The following SMG1 variants were observed in gnomAD, a reference collection of about 807,000 sequenced individuals.
SMG1 encodes the protein SMG1 nonsense mediated mRNA decay associated PI3K related kinase, also known as serine/threonine-protein kinase SMG1.
In SMG1, 22 loss-of-function variants were observed where a neutral mutation model predicts 419.9. That is an observed-to-expected ratio of 0.05 (90% CI 0.04 to 0.07). SMG1 has a LOEUF of 0.07. Among genes scored for constraint, SMG1 ranks in the 10% least tolerant of loss-of-function variants. SMG1 has a pLI of 1.00. For synonymous variants in SMG1, 1,538 were observed against 1,553.5 expected (o/e 0.99, Z 0.23); for missense variants, 3,185 against 4,342.0 (o/e 0.73, Z 7.49).
In SMG1 at chr16:18,901,939, T is replaced by C. The variant is rs1260546945; in HGVS notation, c.93-4983A>G. 1.4e-4 allele frequency among the ~76,000 whole-genome samples: 16 copies of C among 113,004 alleles called. No individual in the cohort carries two copies. The Admixed American group carries it at 1.5e-3, about 11-fold the overall frequency. 74.1% of individuals were successfully genotyped at this position (113,004 alleles called of 152,430 possible). A position where few individuals can be genotyped will look rare whatever the true frequency, so the allele number is the denominator to read the frequency against. On this transcript the variant is annotated intron_variant, in intron 1 of 62. Transcript: ENST00000446231. ...CAGCCTGGGCAACAGAGCAAGACTATCTCCAAAAAAAAAAAGGGGGGGGTG... is the reference window on the plus strand; with the variant it reads ...CAGCCTGGGCAACAGAGCAAGACTACCTCCAAAAAAAAAAAGGGGGGGGTG...
intron 62 of SMG1, among the ~76,000 whole-genome samples, chr16:18,810,431 G>C (rs1358626875): frequency 6.6e-6 from 1 of 152,216 alleles, no homozygotes; most frequent in Non-Finnish European, 1.5e-5. Context: ...CTCAGGAACT[G>C]TTCTAGATAT....
intron 1 of SMG1, among the ~76,000 whole-genome samples, chr16:18,908,220 T>A (rs2037647703): frequency 6.6e-6 from 1 of 151,446 alleles, no homozygotes; most frequent in Admixed American, 6.6e-5. Context: ...ACAAAAAAAT[T>A]AGGCAGGCGT....
Position 18,847,583 on chromosome 16 carries a change from G to A in SMG1, c.5866C>T (p.Arg1956Cys), listed in dbSNP as rs755564591. The A allele has an allele frequency of 6.2e-7, 1 of 1,613,944 alleles. No homozygotes were observed. Reference sequence around the variant, plus strand: ...TCATCCCAGAGCACAGTGACCCTGCGCAGTTCAGCCACGAGCATCTGAACC... The same window carrying A: ...TCATCCCAGAGCACAGTGACCCTGCACAGTTCAGCCACGAGCATCTGAACC... ...LQVQMLVAEL[R>C]RVTVLWDELW... The change falls in exon 38 of 63, where the codon CGC becomes TGC. Residue 1956 changes from arginine (R) to cysteine (C), a missense_variant. Arg to Cys is a radical substitution (Grantham distance 180). This residue lies in a region of SMG1 where 130 missense variants were observed against 162.0 expected (regional missense o/e 0.80). Transcript: ENST00000446231.
At chr16:18,916,089 A>AAC (rs2037963310) in intron 1 of SMG1, among the ~76,000 whole-genome samples, 2 of 110,238 alleles carry the variant, frequency 1.8e-5, no homozygotes, top group Admixed American at 9.5e-5. Flanking sequence ...AAAAAAAAAA[A>AAC]CCAGAAAAAA....
chr16:18,853,666 G>C lies in SMG1; in HGVS notation c.4685C>G (p.Ser1562Cys), dbSNP rs747779912. The C allele has an allele frequency of 1.2e-6, 2 of 1,613,022 alleles. No individual in the cohort carries two copies. Among genetic ancestry groups the C allele is most frequent in the East Asian group, 4.5e-5 (2 of 44,858 alleles). The change falls in exon 31 of 63, where the codon TCT becomes TGT. Residue 1562 changes from serine (S) to cysteine (C), a missense_variant. By Grantham distance (112) the Ser-to-Cys change is moderately radical. Coordinates refer to ENST00000446231, the MANE Select transcript of SMG1 (RefSeq NM_015092.5). ...QQNFTGLSTLSKNILTLIELP... is the reference protein window; with the variant it reads ...QQNFTGLSTLCKNILTLIELP... ...TTCTATTAGAGTGAGTATGTTTTTA[G>C]ACAAAGTAGAAAGACCTGTGAAGTT... is the stretch of plus-strand genomic sequence containing the variant.
In SMG1 at chr16:18,860,557, C is replaced by T. The variant is rs1163144135; in HGVS notation, c.3805+110G>A. On this transcript the variant is annotated intron_variant, in intron 26 of 62. Coordinates refer to ENST00000446231, the MANE Select transcript of SMG1 (RefSeq NM_015092.5). ...ATTTGTTGCTTCACATGGGATTCTG[C>T]CCCCACAAAAATGTAAAATAACTTC... 7 of 613,506 alleles carry T rather than the reference C, an allele frequency of 1.1e-5. No individual in the cohort carries two copies. In the Admixed American group the frequency reaches 2.0e-4, roughly 18 times the overall value. The allele number at this position is 613,506 out of a possible 1,614,324, so 38.0% of individuals were successfully genotyped here.
At chr16:18,881,482 T>C (rs1468570554) in intron 10 of SMG1, among the ~76,000 whole-genome samples, 1 of 152,218 alleles carries the variant, frequency 6.6e-6, no homozygotes, top group African/African-American at 2.4e-5. Context: ...CAAAAGTATA[T>C]GCTCCTAAAA....
intron 22 of SMG1, among the ~76,000 whole-genome samples, chr16:18,867,971 G>T (rs2035615234): frequency 1.3e-5 from 2 of 152,094 alleles, no homozygotes; most frequent in East Asian, 3.9e-4. Flanking sequence ...GCCTCCCAAA[G>T]TGCTGGGATT....
chr16:18,890,377 C>A (rs949490747), intron 5 of SMG1, among the ~76,000 whole-genome samples: 2 of 152,188 alleles, frequency 1.3e-5, no homozygotes, highest in Non-Finnish European at 2.9e-5. Flanking sequence ...GTGGCTCATG[C>A]CTGTAATCCC....
chr16:18,845,574 C>T lies in SMG1; in HGVS notation c.6074G>A (p.Arg2025Lys), dbSNP rs1305738377. 3 of 1,613,850 alleles carry T rather than the reference C, an allele frequency of 1.9e-6. No individual in the cohort carries two copies. The highest frequency in any genetic ancestry group is 1.7e-5 in the Admixed American group (1 of 60,020). The change falls in exon 39 of 63, where the codon AGG becomes AAG. Residue 2025 changes from arginine to lysine, a missense_variant. Arg to Lys is a conservative substitution (Grantham distance 26). Around this residue, in one of 27 missense-constraint regions of SMG1, gnomAD observed 159 missense variants for 196.0 expected, o/e 0.81. Coordinates refer to ENST00000446231, the MANE Select transcript of SMG1 (RefSeq NM_015092.5). ...KPIVFALEHV[R>K]SITAAPAETP... ...TTCTGCAGGAGCCGCTGTGATACTC[C>T]TCACATGCTCCAAAGCAAATACGAT...
At chr16:18,919,398 G>A (rs529238550) in intron 1 of SMG1, among the ~76,000 whole-genome samples, 1 of 151,784 alleles carries the variant, frequency 6.6e-6, no homozygotes, top group African/African-American at 2.4e-5. Flanking sequence ...GCTGAGGCGG[G>A]CGGATCATGA....
intron 9 of SMG1, among the ~76,000 whole-genome samples, chr16:18,882,948 T>C (rs1212119568): frequency 6.6e-6 from 1 of 152,054 alleles, no homozygotes; most frequent in Non-Finnish European, 1.5e-5. Context: ...CTCTACAAAC[T>C]AGAATGTGTG....
At chr16:18,899,191 G>A (rs1367997789) in intron 1 of SMG1, among the ~76,000 whole-genome samples, 1 of 152,148 alleles carries the variant, frequency 6.6e-6, no homozygotes, top group East Asian at 1.9e-4. Flanking sequence ...ATACTTCACT[G>A]AAGAAACCGG....
chr16:18,862,662 A>G lies in SMG1; in HGVS notation c.3695+988T>C, dbSNP rs533308848. Among the ~76,000 whole-genome samples the G allele has an allele frequency of 3.9e-5, 6 of 152,160 alleles. No homozygotes were observed. The South Asian group carries it at 1.2e-3, about 32-fold the overall frequency. ...GCTTCCATACTTGCCCCCCACCTCC[A>G]GTCTCTTCACCATAGCAGAATGAAC... On this transcript the variant is annotated intron_variant, in intron 25 of 62. Coordinates refer to ENST00000446231, the MANE Select transcript of SMG1 (RefSeq NM_015092.5).
At chr16:18,920,363 C>G (rs1176210389) in intron 1 of SMG1, among the ~76,000 whole-genome samples, 1 of 114,076 alleles carries the variant, frequency 8.8e-6, no homozygotes, top group African/African-American at 3.4e-5. Context: ...GCCTGGACAA[C>G]AAGAGCAAAA....
At chr16:18,922,589 C>T (rs187693245) in intron 1 of SMG1, among the ~76,000 whole-genome samples, 1 of 152,122 alleles carries the variant, frequency 6.6e-6, no homozygotes. Flanking sequence ...CTCAGCCTCC[C>T]GAGTAACTGG....
In SMG1 at chr16:18,845,506, T is replaced by G. The variant is rs1349578794; in HGVS notation, c.6142A>C (p.Ile2048Leu). Reference protein sequence around the residue: ...KWFQDNYGDAIENALEKLKTP... With the variant: ...KWFQDNYGDALENALEKLKTP... ...TTCAGTTTTTCTAGGGCATTTTCAA[T>G]GGCATCACCATAGTTATCCTGAAAC... is the stretch of plus-strand genomic sequence containing the variant. The change falls in exon 39 of 63, where the codon ATT (isoleucine) becomes CTT (leucine). Residue 2048 changes from isoleucine to leucine, a missense_variant. By Grantham distance (5) the Ile-to-Leu change is conservative (BLOSUM62 2). Around this residue, in one of 27 missense-constraint regions of SMG1, gnomAD observed 159 missense variants for 196.0 expected, o/e 0.81. Coordinates refer to ENST00000446231, the MANE Select transcript of SMG1 (RefSeq NM_015092.5). 3 of 1,614,012 alleles carry G rather than the reference T, an allele frequency of 1.9e-6. No individual in the cohort carries two copies. Among genetic ancestry groups the G allele is most frequent in the Non-Finnish European group, 2.5e-6 (3 of 1,179,894 alleles).
rs754334955 is a variant in SMG1, at chr16:18,815,528, C to A, written c.10426G>T (p.Ala3476Ser). Reference protein sequence around the residue: ...IQTVLFTLVQAMGQVRSQEHV... With the variant: ...IQTVLFTLVQSMGQVRSQEHV... ...TCTTGACTTCGAACCTGACCCATAG[C>A]CTGGACTAATGTAAATAGAACTGTT... Residue 3476 changes from alanine to serine, a missense_variant, in exon 59 of 63, where the codon GCT (alanine) becomes TCT (serine). Ala to Ser is a moderately conservative substitution (Grantham distance 99). Coordinates refer to ENST00000446231, the MANE Select transcript of SMG1 (RefSeq NM_015092.5). 6.2e-7 allele frequency: 1 copy of A among 1,613,946 alleles called. No individual in the cohort carries two copies. The highest frequency in any genetic ancestry group is 8.5e-7 in the Non-Finnish European group (1 of 1,179,884).
intron 51 of SMG1, among the ~76,000 whole-genome samples, chr16:18,831,262 T>TA (rs2033154089): frequency 6.6e-6 from 1 of 152,154 alleles, no homozygotes; most frequent in Non-Finnish European, 1.5e-5. Context: ...TTAAAAATGT[T>TA]AAACTACCAG....
Sources: gnomAD v4.1 joint callset for allele counts (sites outside exome capture counted in the v4.1 genomes callset) on GRCh38, gnomAD v4.1.1 for gene constraint, gnomAD v4.1.1 regional missense constraint, MANE v1.5 for transcripts, NCBI Gene and HGNC (gene_info 2026-07-23, HGNC 2026-07-21) for gene names.